The following PITPNM2 variants were observed in gnomAD, a reference collection of about 807,000 sequenced individuals.
PITPNM2 encodes the protein phosphatidylinositol transfer protein membrane associated 2.
In PITPNM2, 35 loss-of-function variants were observed where a neutral mutation model predicts 132.2. The observed-to-expected ratio is 0.26, with a 90% CI of 0.20 to 0.35. The LOEUF (loss-of-function observed/expected upper bound fraction) is 0.35, where lower values mean the gene tolerates loss of function less well. Ranked by LOEUF, PITPNM2 falls within the 10% of genes least tolerant of loss-of-function variation. The pLI is 1.00. For synonymous variants in PITPNM2, 738 were observed against 799.2 expected, an observed-to-expected ratio of 0.92 and a Z score of 1.29; for missense variants, 1,332 against 1,912.0, an observed-to-expected ratio of 0.70 and a Z score of 5.66.
intron 1 of PITPNM2, among the ~76,000 whole-genome samples, chr12:123,116,311 A>G (rs2042934973): frequency 6.6e-6 from 1 of 152,182 alleles, no homozygotes; most frequent in Non-Finnish European, 1.5e-5. Context: ...GAACAGATAA[A>G]CAAAATGTAG....
chr12:123,001,610 G>C (rs2038681973), intron 8 of PITPNM2, among the ~76,000 whole-genome samples: 1 of 152,166 alleles, frequency 6.6e-6, no homozygotes, highest in African/African-American at 2.4e-5. Flanking sequence ...GGGTTTCTGG[G>C]GCTCCTCTAT....
chr12:123,052,079 T>G (rs1246292154), intron 2 of PITPNM2, among the ~76,000 whole-genome samples: 3 of 122,824 alleles, frequency 2.4e-5, no homozygotes, highest in East Asian at 2.1e-4. Context: ...ATTTTATTGT[T>G]TTTTTTTTTT....
chr12:123,009,620 C>T lies in PITPNM2; in HGVS notation c.643+230G>A, dbSNP rs2039094716. On this transcript the variant is annotated intron_variant, in intron 6 of 25. Coordinates refer to ENST00000320201, the MANE Select transcript of PITPNM2 (RefSeq NM_020845.3). This position sits in a 1 kb window ranked among gnomAD's most constrained non-coding sequence, Gnocchi z 4.8. ...TAGGGCTTCTTCATCCAACAACACA[C>T]ACTGCTTGTCTCTGCAGATGCTCAG... 2.0e-5 allele frequency among the ~76,000 whole-genome samples: 3 copies of T among 152,256 alleles called. No homozygotes were observed. Among genetic ancestry groups the T allele is most frequent in the African/African-American group, 7.2e-5 (3 of 41,458 alleles).
chr12:123,077,299 A>G lies in PITPNM2; in HGVS notation c.-96+33086T>C, dbSNP rs1185649246. 2.0e-5 allele frequency among the ~76,000 whole-genome samples: 3 copies of G among 152,104 alleles called. No homozygotes were observed. Among genetic ancestry groups the G allele is most frequent in the Admixed American group, 6.5e-5 (1 of 15,276 alleles). On this transcript the variant is annotated intron_variant, in intron 2 of 25. Coordinates refer to ENST00000320201, the MANE Select transcript of PITPNM2 (RefSeq NM_020845.3). The surrounding 1 kb of genome is among the most constrained non-coding windows in gnomAD (Gnocchi z 4.8). The stretch of plus-strand genomic sequence containing the variant: ...GGGGTGGGGAGGGACACCCCTTGTT[A>G]TCAGGGGTGGAGAGGGACAAAACAT...
At chr12:123,055,380 A>G (rs2040989202) in intron 2 of PITPNM2, among the ~76,000 whole-genome samples, 1 of 152,194 alleles carries the variant, frequency 6.6e-6, no homozygotes, top group African/African-American at 2.4e-5. Context: ...GAATCTGAGG[A>G]GTTGCTCTGG....
intron 6 of PITPNM2, among the ~76,000 whole-genome samples, chr12:123,006,824 G>A (rs1394021362): frequency 6.6e-6 from 1 of 152,012 alleles, no homozygotes; most frequent in Non-Finnish European, 1.5e-5. Context: ...ACAGTGAAAT[G>A]GGAACAAAGG....
intron 3 of PITPNM2, among the ~76,000 whole-genome samples, chr12:123,015,134 C>T (rs1022801126): frequency 4.6e-5 from 7 of 152,126 alleles, no homozygotes; most frequent in African/African-American, 1.2e-4. Flanking sequence ...AGATATAATG[C>T]GATCTTTATC....
At chr12:123,096,761 G>A (rs376521252) in intron 2 of PITPNM2, among the ~76,000 whole-genome samples, 10 of 152,326 alleles carry the variant, frequency 6.6e-5, no homozygotes, top group African/African-American at 2.4e-4. Flanking sequence ...TCAAGAGGAG[G>A]GATCCAGGCA....
intron 1 of PITPNM2, among the ~76,000 whole-genome samples, chr12:123,141,792 C>T (rs2043511959): frequency 6.6e-6 from 1 of 152,068 alleles, no homozygotes; most frequent in African/African-American, 2.4e-5. Context: ...AGTCTTAATC[C>T]CGCTCCACTG....
intron 2 of PITPNM2, among the ~76,000 whole-genome samples, chr12:123,069,985 C>T (rs764546698): frequency 3.3e-5 from 5 of 152,064 alleles, no homozygotes; most frequent in East Asian, 1.9e-4. Flanking sequence ...GCTCTGCACC[C>T]GGTGCTCATA....
At chr12:123,003,468 C>T (rs1402475317) in intron 8 of PITPNM2, among the ~76,000 whole-genome samples, 2 of 152,232 alleles carry the variant, frequency 1.3e-5, no homozygotes, top group Admixed American at 6.5e-5. Flanking sequence ...GGCAAGGCTC[C>T]TGGTGCAGAG....
chr12:123,149,251 G>C (rs1314909340), intron 1 of PITPNM2, among the ~76,000 whole-genome samples: 1 of 152,190 alleles, frequency 6.6e-6, no homozygotes, highest in African/African-American at 2.4e-5. Flanking sequence ...CCAGGAGAGA[G>C]AATGGCCCAT....
intron 3 of PITPNM2, among the ~76,000 whole-genome samples, chr12:123,016,483 T>C (rs1451762097): frequency 2.7e-4 from 41 of 151,784 alleles, no homozygotes; most frequent in Admixed American, 2.7e-3. Flanking sequence ...ATCCAGCTAA[T>C]TTTTTGTATT....
intron 2 of PITPNM2, chr12:123,090,505 A>G (rs1244775318): frequency 6.6e-6 from 1 of 151,258 alleles, no homozygotes; most frequent in Non-Finnish European, 1.5e-5. Flanking sequence ...GACTACAGGC[A>G]CAGGTGCCAA....
At chr12:123,112,683 G>A (rs748235191) in intron 1 of PITPNM2, among the ~76,000 whole-genome samples, 13 of 152,006 alleles carry the variant, frequency 8.6e-5, no homozygotes, top group Admixed American at 3.9e-4. Context: ...GGACTACGGC[G>A]ACTGCCACCA....
chr12:123,123,841 C>G (rs1203507025), intron 1 of PITPNM2, among the ~76,000 whole-genome samples: 6 of 150,996 alleles, frequency 4.0e-5, no homozygotes, highest in African/African-American at 1.5e-4. Context: ...GAGGCTGAGG[C>G]ACAAGAATCG....
Position 122,986,953 on chromosome 12 carries a change from G to T in PITPNM2, c.3414-124C>A, listed in dbSNP as rs73411006. 11,605 of 1,248,012 alleles carry T rather than the reference G, an allele frequency of 9.3e-3. 750 individuals carry two copies. In the African/African-American group the frequency reaches 0.15, roughly 16 times the overall value. The allele number at this position is 1,248,012 out of a possible 1,614,324, so 77.3% of individuals were successfully genotyped here. The stretch of plus-strand genomic sequence containing the variant: ...TCTCTGATTGAGCTCAGACAGTAAC[G>T]ACGACAATGGTTGACAATGACGTGC... On this transcript the variant is annotated intron_variant, in intron 23 of 25. Transcript: ENST00000320201.
chr12:123,145,952 A>G lies in PITPNM2; in HGVS notation c.-200+4801T>C, dbSNP rs529258675. Among the ~76,000 whole-genome samples, 6 of 152,350 alleles carry G rather than the reference A, an allele frequency of 3.9e-5. No individual in the cohort carries two copies. The South Asian group carries it at 1.0e-3, about 26-fold the overall frequency. ...AAAAGAAAATGTGGTATATATACAC[A>G]TAGTATAGAATACTATACAGTCATA... On this transcript the variant is annotated intron_variant, in intron 1 of 25. Transcript: ENST00000320201.
intron 1 of PITPNM2, among the ~76,000 whole-genome samples, chr12:123,137,491 T>C (rs1270472681): frequency 6.6e-6 from 1 of 152,118 alleles, no homozygotes; most frequent in Non-Finnish European, 1.5e-5. Flanking sequence ...TGAGTGTACT[T>C]GACAGCTCAT....
Sources: gnomAD v4.1 joint callset for allele counts (sites outside exome capture counted in the v4.1 genomes callset) on GRCh38, gnomAD v4.1.1 for gene constraint, Gnocchi (gnomAD v3.1) non-coding constraint, MANE v1.5 for transcripts, NCBI Gene and HGNC (gene_info 2026-07-23, HGNC 2026-07-21) for gene names.